The following C17orf67 variants were observed in gnomAD, a reference collection of about 807,000 sequenced individuals.
C17orf67 encodes chromosome 17 open reading frame 67.
C17orf67 carries 12 observed loss-of-function variants against 11.2 expected under a neutral mutation model. The ratio of observed to expected loss-of-function variants is 1.07; its 90% confidence interval spans 0.68 to 1.73. The LOEUF is 1.73. Among genes scored for constraint, C17orf67 ranks in the 40% most tolerant of loss-of-function variants. The pLI, the probability that C17orf67 is intolerant of heterozygous loss-of-function variation, is 0.00. For synonymous variants in C17orf67, 59 were observed against 46.9 expected (o/e 1.26, Z -1.05); for missense variants, 115 against 113.5 (o/e 1.01, Z -0.06).
At chr17:56,809,421 A>G (rs894074084) in intron 6 of C17orf67, among the ~76,000 whole-genome samples, 2 of 151,990 alleles carry the variant, frequency 1.3e-5, no homozygotes, top group African/African-American at 4.8e-5. Context: ...AGTCAAGGCG[A>G]AAGTAGAAGA....
intron 2 of C17orf67, among the ~76,000 whole-genome samples, chr17:56,827,780 C>T (rs936171611): frequency 7.9e-5 from 12 of 152,332 alleles, no homozygotes; most frequent in East Asian, 5.8e-4. Context: ...ACCTCACGGG[C>T]TTAGTGATGG....
chr17:56,809,652 CCT>C (rs777214736), intron 6 of C17orf67, among the ~76,000 whole-genome samples: 17 of 141,174 alleles, frequency 1.2e-4, no homozygotes, highest in Non-Finnish European at 2.5e-4. Context: ...CACACAGACC[CCT>C]CACAGACTGC....
At chr17:56,826,656 C>A (rs561667534) in intron 2 of C17orf67, among the ~76,000 whole-genome samples, 1 of 152,382 alleles carries the variant, frequency 6.6e-6, no homozygotes, top group South Asian at 2.1e-4. Context: ...GAAAGGAAAT[C>A]AGAATCTGCA....
chr17:56,821,720 G>A (rs1905909265), intron 4 of C17orf67, among the ~76,000 whole-genome samples: 1 of 152,166 alleles, frequency 6.6e-6, no homozygotes, highest in Non-Finnish European at 1.5e-5. Flanking sequence ...GTTAGGTCTG[G>A]GCAGGTGTGG....
At chr17:56,822,620 A>T (rs373899142) in intron 4 of C17orf67, among the ~76,000 whole-genome samples, 55 of 152,376 alleles carry the variant, frequency 3.6e-4, no homozygotes, top group African/African-American at 1.3e-3. Context: ...CTCTATGCCA[A>T]ATCTCTTTGC....
chr17:56,815,701 A>C, intron 5 of C17orf67, 55 bp downstream of exon 5: 1 of 1,446,120 alleles, frequency 6.9e-7, no homozygotes, highest in Non-Finnish European at 9.3e-7. Flanking sequence ...TATCAAATAG[A>C]CTATTATTTA....
chr17:56,808,706 C>A (rs988126632), intron 6 of C17orf67, among the ~76,000 whole-genome samples: 2 of 152,176 alleles, frequency 1.3e-5, no homozygotes, highest in African/African-American at 2.4e-5. Context: ...AACAGTCTAG[C>A]CCTTTGTGTG....
intron 7 of C17orf67, among the ~76,000 whole-genome samples, chr17:56,793,397 C>T (rs2144106889): frequency 6.6e-6 from 1 of 152,182 alleles, no homozygotes; most frequent in South Asian, 2.1e-4. Flanking sequence ...TCTGAGGAAC[C>T]CTGTGTTTGC....
chr17:56,818,221 T>C (rs1000125769), intron 4 of C17orf67, among the ~76,000 whole-genome samples: 1 of 152,274 alleles, frequency 6.6e-6, no homozygotes, highest in Middle Eastern at 3.4e-3. Context: ...TATGTGTATA[T>C]TCAAATTTTT....
rs1200802396 is a variant in C17orf67, at chr17:56,814,740, C to T, written c.156+129G>A. 4.7e-6 allele frequency: 4 copies of T among 852,372 alleles called. No homozygotes were observed. In the East Asian group the frequency reaches 9.9e-5, roughly 21 times the overall value. The allele number at this position is 852,372 out of a possible 1,614,324, so 52.8% of individuals were successfully genotyped here. A position where few individuals can be genotyped will look rare whatever the true frequency, so the allele number is the denominator to read the frequency against. Reference sequence around the variant, plus strand: ...CATAGGTAAAAGATTGAGATTGCAGCTATCTTCTACCTGAAACTCTAACCA... The same window carrying T: ...CATAGGTAAAAGATTGAGATTGCAGTTATCTTCTACCTGAAACTCTAACCA... On this transcript the variant is annotated intron_variant, in intron 6 of 7. Transcript: ENST00000397861.
intron 4 of C17orf67, among the ~76,000 whole-genome samples, chr17:56,816,453 G>A (rs1238279254): frequency 6.6e-6 from 1 of 152,112 alleles, no homozygotes; most frequent in Non-Finnish European, 1.5e-5. Context: ...TACCTTGTGG[G>A]GTGCAATAAA....
intron 6 of C17orf67, among the ~76,000 whole-genome samples, chr17:56,805,720 G>C (rs1051433503): frequency 6.6e-6 from 1 of 152,076 alleles, no homozygotes; most frequent in Non-Finnish European, 1.5e-5. Context: ...AGTACTTTAT[G>C]CACAAAAATG....
At chr17:56,805,293 G>T (rs1386045193) in intron 6 of C17orf67, among the ~76,000 whole-genome samples, 4 of 152,196 alleles carry the variant, frequency 2.6e-5, no homozygotes, top group Non-Finnish European at 1.5e-5. Context: ...AACTACAAAA[G>T]CAGGTGCCAT....
At chr17:56,813,129 C>T (rs1222379003) in intron 6 of C17orf67, among the ~76,000 whole-genome samples, 1 of 152,184 alleles carries the variant, frequency 6.6e-6, no homozygotes, top group Non-Finnish European at 1.5e-5. Flanking sequence ...CTCCCCCAGC[C>T]CCTGCCGGGT....
At chr17:56,810,325 T>C (rs1271512269) in intron 6 of C17orf67, among the ~76,000 whole-genome samples, 1 of 123,596 alleles carries the variant, frequency 8.1e-6, no homozygotes, top group East Asian at 2.6e-4. Context: ...CATACAATTC[T>C]CACATTCGAA....
chr17:56,793,824 G>T (rs1905160933), intron 7 of C17orf67, among the ~76,000 whole-genome samples: 1 of 152,210 alleles, frequency 6.6e-6, no homozygotes, highest in Non-Finnish European at 1.5e-5. Context: ...GGAGTTGGGA[G>T]CCAAGCCCAG....
chr17:56,797,407 C>A (rs966253395), intron 6 of C17orf67, among the ~76,000 whole-genome samples: 2 of 152,002 alleles, frequency 1.3e-5, no homozygotes, highest in Non-Finnish European at 2.9e-5. Context: ...AACAAACAGC[C>A]CATCCTCTCC....
At chr17:56,814,067 A>G (rs1905695357) in intron 6 of C17orf67, among the ~76,000 whole-genome samples, 1 of 152,236 alleles carries the variant, frequency 6.6e-6, no homozygotes, top group East Asian at 1.9e-4. Flanking sequence ...GAATGAAGGT[A>G]AATGCTACTG....
chr17:56,804,004 G>A (rs1047383387), intron 6 of C17orf67: 1 of 152,160 alleles, frequency 6.6e-6, no homozygotes, highest in Middle Eastern at 3.2e-3. Context: ...CAACATTAAG[G>A]ATAATCTCAA....
Sources: allele counts gnomAD v4.1 joint callset (sites outside exome capture counted in the v4.1 genomes callset), GRCh38; gene constraint gnomAD v4.1.1; transcripts MANE v1.5; gene names NCBI Gene and HGNC (gene_info 2026-07-23, HGNC 2026-07-21).